TECPR1: variants seen among roughly 807,000 people sequenced by gnomAD.
TECPR1 encodes tectonin beta-propeller repeat containing 1.
TECPR1 carries 122 observed loss-of-function variants against 162.4 expected under a neutral mutation model. The ratio of observed to expected loss-of-function variants is 0.75; its 90% confidence interval spans 0.65 to 0.87. The LOEUF (loss-of-function observed/expected upper bound fraction) is 0.87. Among genes scored for constraint, TECPR1 ranks in the 40% least tolerant of loss-of-function variants. TECPR1 has a pLI of 0.00. For missense variants in TECPR1, 1,432 were observed against 1,618.2 expected, an observed-to-expected ratio of 0.88 and a Z score of 1.97; for synonymous variants, 642 against 670.6, an observed-to-expected ratio of 0.96 and a Z score of 0.66.
intron 17 of TECPR1, among the ~76,000 whole-genome samples, chr7:98,226,178 G>A (rs540270543): frequency 1.3e-5 from 2 of 152,350 alleles, no homozygotes; most frequent in South Asian, 2.1e-4. Context: ...CGTGAGGAGG[G>A]AGTGGAGATC....
At chr7:98,235,827 C>CAAAAAAAAAAAAAAAA (rs765569294) in intron 10 of TECPR1, among the ~76,000 whole-genome samples, 4 of 36,668 alleles carry the variant, frequency 1.1e-4, no homozygotes, top group South Asian at 5.9e-4. Flanking sequence ...GAGACTGTCT[C>CAAAAAAAAAAAAAAAA]AAAAAAAAAA....
chr7:98,227,202 A>G (rs1310413610), intron 17 of TECPR1, among the ~76,000 whole-genome samples: 1 of 150,950 alleles, frequency 6.6e-6, no homozygotes, highest in Non-Finnish European at 1.5e-5. Context: ...GACCAGTCGG[A>G]CCAACATGGT....
chr7:98,235,849 A>AAAAAACAAC lies in TECPR1; in HGVS notation c.1181+926_1181+927insGTTGTTTTT. On this transcript the variant is annotated intron_variant, in intron 10 of 25. Transcript: ENST00000447648. The stretch of plus-strand genomic sequence containing the variant: ...TCTCAAAAAAAAAAAAAAAAAAAAA[A>AAAAAACAAC]AACACCATCTGAGCAGACTAAACCC... 3.6e-4 allele frequency among the ~76,000 whole-genome samples: 40 copies of AAAAAACAAC among 110,326 alleles called. 5 individuals carry two copies. Among genetic ancestry groups the AAAAAACAAC allele is most frequent in the Non-Finnish European group, 6.4e-4 (31 of 48,554 alleles). The allele number at this position is 110,326 out of a possible 152,430, so 72.4% of individuals were successfully genotyped here.
intron 17 of TECPR1, among the ~76,000 whole-genome samples, chr7:98,225,372 T>C (rs561091318): frequency 6.6e-6 from 1 of 152,182 alleles, no homozygotes; most frequent in African/African-American, 2.4e-5. Context: ...CCATCTCTAC[T>C]AAAATACAAA....
Position 98,246,129 on chromosome 7 carries a change from C to T in TECPR1, c.18G>A (p.Leu6=). 3 of 1,549,948 alleles carry T rather than the reference C, an allele frequency of 1.9e-6. No individual in the cohort carries two copies. The highest frequency in any genetic ancestry group is 2.6e-6 in the Non-Finnish European group (3 of 1,147,250). Residue 6 remains leucine, a synonymous_variant, in exon 3 of 26, where the codon CTG becomes CTA. Transcript: ENST00000447648. ...CTCTCCCGAAGAGGTCCACCGCCCA[C>T]AGCACTGAGTTGGGCATGGCAGCGG... The part of the protein sequence containing the change: MPNSV[L]WAVDLFGRVY...
chr7:98,249,832 C>T (rs1326049556), intron 2 of TECPR1, among the ~76,000 whole-genome samples: 3 of 151,906 alleles, frequency 2.0e-5, no homozygotes, highest in Non-Finnish European at 4.4e-5. Flanking sequence ...GCAGGAGAAT[C>T]GCTTGAACCT....
At chr7:98,236,994 A>C in intron 9 of TECPR1, 73 bp from the exon 10 acceptor site, 1 of 1,430,834 alleles carries the variant, frequency 7.0e-7, no homozygotes, top group Non-Finnish European at 9.2e-7. Context: ...CTAGGGGTGC[A>C]AAATGCAGGC....
intron 14 of TECPR1, 24 bp from the exon 15 acceptor site, chr7:98,231,142 C>G: frequency 1.2e-6 from 2 of 1,603,782 alleles, no homozygotes; most frequent in Non-Finnish European, 1.7e-6. Flanking sequence ...ATGCCGGTCA[C>G]TGCTGAGCAG....
At chr7:98,240,506 A>G (rs4729417) in intron 8 of TECPR1, among the ~76,000 whole-genome samples, 147,302 of 151,862 alleles carry the variant, frequency 0.97, 71,591 homozygotes, top group South Asian at 1. Context: ...TGCAACCTCC[A>G]CCTCCCAGGT....
In TECPR1 at chr7:98,228,028, T is replaced by C. The variant is rs762665501; in HGVS notation, c.2499A>G (p.Thr833=). ...GTGCCACTTACCTGCTGGTGTAGCCTGTGACGGGGTTCCAGCGCTGGTTCT... is the reference window on the plus strand; with the variant it reads ...GTGCCACTTACCTGCTGGTGTAGCCCGTGACGGGGTTCCAGCGCTGGTTCT... ...IYENQRWNPV[T]GYTSRGLPTD... The change falls in exon 17 of 26, where the codon ACA becomes ACG. Residue 833 remains threonine, a synonymous_variant. Transcript: ENST00000447648. 2.2e-5 allele frequency: 36 copies of C among 1,612,290 alleles called. No homozygotes were observed. Among genetic ancestry groups the C allele is most frequent in the Non-Finnish European group, 3.1e-5 (36 of 1,179,382 alleles).
In TECPR1 at chr7:98,236,915, C is replaced by T; in HGVS notation, c.1042G>A (p.Gly348Ser). ...ACGGCTCGGTCCTCACAGCCAATGC[C>T]CCACACCTGGAAGAGAGAGGCTGTG... ...VNVGMNDQVW[G>S]IGCEDRAVYF... is the part of the protein sequence containing the mutation. The change falls in exon 10 of 26, where the codon GGC becomes AGC. Residue 348 changes from glycine (G) to serine (S), a missense_variant. Transcript: ENST00000447648. The T allele has an allele frequency of 6.4e-7, 1 of 1,556,676 alleles. No homozygotes were observed. Among genetic ancestry groups the T allele is most frequent in the Non-Finnish European group, 8.7e-7 (1 of 1,150,316 alleles).
chr7:98,246,006 G>A lies in TECPR1; in HGVS notation c.141C>T (p.Gly47=), dbSNP rs1055805056. 6.2e-7 allele frequency: 1 copy of A among 1,604,012 alleles called. No individual in the cohort carries two copies. The highest frequency in any genetic ancestry group is 2.3e-5 in the East Asian group (1 of 44,424). ...CGTAGACCTGGTTGTCACAGGCAAT[G>A]CCCCAGCAGCACTGCGTGGTGGCGC... ...RVSATTQCCW[G]IACDNQVYVY... Residue 47 remains glycine, a synonymous_variant, in exon 3 of 26, where the codon GGC becomes GGT. Transcript: ENST00000447648.
At chr7:98,231,781 T>A (rs1798448097) in intron 13 of TECPR1, 23 bp downstream of exon 13, 3 of 1,596,752 alleles carry the variant, frequency 1.9e-6, no homozygotes, top group Non-Finnish European at 2.6e-6. Context: ...CCTGGCCCCA[T>A]CTCCTGTGGG....
chr7:98,222,904 G>C, intron 21 of TECPR1, 86 bp downstream of exon 21: 3 of 1,535,132 alleles, frequency 2.0e-6, no homozygotes, highest in Non-Finnish European at 2.7e-6. Context: ...GGTCCTAGGG[G>C]CTTGTCCTGA....
At chr7:98,230,922 G>A in intron 15 of TECPR1, 39 bp downstream of exon 15, 2 of 1,588,542 alleles carry the variant, frequency 1.3e-6, no homozygotes, top group South Asian at 2.2e-5. Context: ...TCGGGGTGAG[G>A]CCAGGCCCCA....
At chr7:98,224,916 G>T in intron 18 of TECPR1, 36 bp from the exon 19 acceptor site, 3 of 1,550,206 alleles carry the variant, frequency 1.9e-6, no homozygotes, top group Non-Finnish European at 1.7e-6. Context: ...GGGACCCCCC[G>T]AATCCAGAAG....
chr7:98,223,343 C>A (rs1798191682), intron 20 of TECPR1, among the ~76,000 whole-genome samples, 173 bp from the exon 21 acceptor site: 1 of 147,212 alleles, frequency 6.8e-6, no homozygotes, highest in South Asian at 2.2e-4. Context: ...CAGCCAGGCC[C>A]CCACCCCCAC....
At position 98,226,522 on chromosome 7, in the gene TECPR1, A is replaced by G. The variant is rs1035533490; in HGVS notation, c.2514-1420T>C. The stretch of plus-strand genomic sequence containing the variant: ...CAACACGGACACACAGTATGGCTGG[A>G]AGGCCACACCCCACATGCTAATTGC... On this transcript the variant is annotated intron_variant, in intron 17 of 25. Coordinates refer to ENST00000447648, the MANE Select transcript of TECPR1 (RefSeq NM_015395.3). The G allele has an allele frequency of 2.1e-5, 22 of 1,036,324 alleles. No individual in the cohort carries two copies. The African/African-American group carries it at 3.4e-4, about 16-fold the overall frequency. The allele number at this position is 1,036,324 out of a possible 1,614,324, so 64.2% of individuals were successfully genotyped here.
chr7:98,223,553 G>T, intron 20 of TECPR1, 109 bp downstream of exon 20: 1 of 1,167,428 alleles, frequency 8.6e-7, no homozygotes, highest in Non-Finnish European at 1.2e-6. Context: ...CCTTGGGACT[G>T]AGGTCAGAGG....
Sources: allele counts gnomAD v4.1 joint callset (sites outside exome capture counted in the v4.1 genomes callset), GRCh38; gene constraint gnomAD v4.1.1; transcripts MANE v1.5; gene names NCBI Gene and HGNC (gene_info 2026-07-23, HGNC 2026-07-21).